The following RBBP8 variants were observed in gnomAD, a reference collection of about 807,000 sequenced individuals.
RBBP8 encodes DNA endonuclease RBBP8.
In RBBP8, 88 loss-of-function variants were observed where a neutral mutation model predicts 108.3. The ratio of observed to expected loss-of-function variants is 0.81; its 90% CI spans 0.68 to 0.97. The LOEUF is 0.97. Among genes scored for constraint, RBBP8 ranks in the 50% least tolerant of loss-of-function variants. The pLI, the probability that RBBP8 is intolerant of heterozygous loss-of-function variation, is 0.00. For synonymous variants in RBBP8, 332 were observed against 348.2 expected, an observed-to-expected ratio of 0.95 and a Z score of 0.52; for missense variants, 1,023 against 1,049.0, an observed-to-expected ratio of 0.98 and a Z score of 0.34.
At chr18:22,957,968 A>T (rs113772513) in intron 4 of RBBP8, among the ~76,000 whole-genome samples, 116 of 152,194 alleles carry the variant, frequency 7.6e-4, no homozygotes, top group Middle Eastern at 6.8e-3. Flanking sequence ...CAACCTTAAT[A>T]TATATATTTA....
At chr18:22,977,674 G>A (rs928983287) in intron 6 of RBBP8, 1 of 152,086 alleles carries the variant, frequency 6.6e-6, no homozygotes, top group African/African-American at 2.4e-5. Flanking sequence ...TCTAGTAGAA[G>A]TTTACTGTTT....
chr18:22,988,542 T>C (rs1205250720), intron 8 of RBBP8, among the ~76,000 whole-genome samples: 1 of 152,226 alleles, frequency 6.6e-6, no homozygotes, highest in African/African-American at 2.4e-5. Flanking sequence ...CTTGTAACTT[T>C]CCTTGATTTC....
rs555102057 is a variant in RBBP8, at chr18:22,960,423, G to A, written c.249-8383G>A. The stretch of plus-strand genomic sequence containing the variant: ...TTACCCAGCATGGTGGTGAGTGCCT[G>A]TAGTCCCAGCTACTCAGGCTGCTGA... On this transcript the variant is annotated intron_variant, in intron 4 of 18. Transcript: ENST00000327155. Among the ~76,000 whole-genome samples the A allele has an allele frequency of 2.6e-5, 4 of 152,270 alleles. No individual in the cohort carries two copies. In the South Asian group the frequency reaches 6.2e-4, roughly 24 times the overall value.
chr18:22,974,163 C>A (rs1295265902), intron 5 of RBBP8, among the ~76,000 whole-genome samples: 1 of 152,084 alleles, frequency 6.6e-6, no homozygotes, highest in African/African-American at 2.4e-5. Context: ...TTCTGGGATC[C>A]ACTTCTTTTG....
rs1183981352 is a variant in RBBP8 at position 22,968,857 on chromosome 18, GA to G, written c.306del (p.Lys102AsnfsTer20). The G allele has an allele frequency of 3.1e-6, 5 of 1,613,414 alleles. No homozygotes were observed. Among genetic ancestry groups the G allele is most frequent in the Non-Finnish European group, 1.7e-6 (2 of 1,179,706 alleles). On this transcript the variant is annotated frameshift_variant, in exon 5 of 19. Coordinates refer to ENST00000327155, the MANE Select transcript of RBBP8 (RefSeq NM_002894.3). LOFTEE classifies it high-confidence loss of function. ...RCAVTEEHMRKKQQEFENIRQ... is the reference protein window; with the variant it reads ...RCAVTEEHMRXKQQEFENIRQ... ...GTGCAGTAACTGAAGAACATATGCG[GA>G]AAAAACAGCAAGAGTTTGAAAATAT...
At chr18:22,915,441 T>C (rs757609244) in exon 2 of RBBP8, 3 of 152,204 alleles carry the variant, frequency 2.0e-5, no homozygotes, top group Non-Finnish European at 4.4e-5. Flanking sequence ...GGATGCTTCA[T>C]AGTCCTACTT....
intron 6 of RBBP8, among the ~76,000 whole-genome samples, chr18:22,980,237 C>A (rs1193313197): frequency 6.6e-6 from 1 of 151,898 alleles, no homozygotes; most frequent in East Asian, 1.9e-4. Flanking sequence ...AAGAGCAAGA[C>A]TCAGACTCAA....
chr18:22,981,675 T>C (rs761580695), intron 6 of RBBP8, among the ~76,000 whole-genome samples: 5 of 152,238 alleles, frequency 3.3e-5, no homozygotes, highest in Admixed American at 6.5e-5. Context: ...CCTTTCCATA[T>C]GTACTTAAAA....
intron 16 of RBBP8, among the ~76,000 whole-genome samples, chr18:23,011,883 A>C (rs375048765): frequency 1.2e-4 from 19 of 152,094 alleles, no homozygotes; most frequent in Middle Eastern, 3.4e-3. Context: ...GGGCCTCCCT[A>C]TTCCCTGAGA....
intron 1 of RBBP8, among the ~76,000 whole-genome samples, chr18:22,935,570 T>G (rs1910497516): frequency 1.3e-5 from 2 of 152,216 alleles, no homozygotes; most frequent in Non-Finnish European, 2.9e-5. Flanking sequence ...TCACATATAC[T>G]CCTGCTCCCT....
upstream of RBBP8, chr18:22,929,364 T>TTTTTAACAGA (rs1491279131): frequency 1.8e-5 from 1 of 54,438 alleles, no homozygotes; most frequent in East Asian, 1.0e-3. Context: ...GGATAACAGA[T>TTTTTAACAGA]TTTTTTTTTT....
At chr18:22,936,174 T>C (rs1910563558) in intron 1 of RBBP8, among the ~76,000 whole-genome samples, 1 of 152,128 alleles carries the variant, frequency 6.6e-6, no homozygotes, top group South Asian at 2.1e-4. Flanking sequence ...CGATCTCCGC[T>C]CACTGCAAAT....
intron 4 of RBBP8, among the ~76,000 whole-genome samples, chr18:22,965,151 A>AT (rs1331833825): frequency 2.0e-5 from 3 of 151,576 alleles, no homozygotes; most frequent in East Asian, 3.9e-4. Flanking sequence ...TAGCATTGGC[A>AT]TTTTTTCTTT....
intron 5 of RBBP8, among the ~76,000 whole-genome samples, chr18:22,974,649 G>A (rs572304968): frequency 1.2e-4 from 18 of 152,030 alleles, no homozygotes; most frequent in Non-Finnish European, 1.6e-4. Context: ...TAGTGGAGAC[G>A]GGGTTTCACC....
At chr18:22,916,838 A>G (rs1243853334) in intron 2 of RBBP8, 1 of 151,926 alleles carries the variant, frequency 6.6e-6, no homozygotes, top group Non-Finnish European at 1.5e-5. Context: ...TCAACTGTCT[A>G]TTTTCTTAGT....
chr18:22,967,970 T>C (rs1171356357), intron 4 of RBBP8, among the ~76,000 whole-genome samples: 1 of 151,974 alleles, frequency 6.6e-6, no homozygotes, highest in East Asian at 1.9e-4. Flanking sequence ...ATGTAATACA[T>C]TGTGAATTTT....
intron 12 of RBBP8, among the ~76,000 whole-genome samples, chr18:22,994,302 C>G (rs1178510198): frequency 6.9e-6 from 1 of 145,552 alleles, no homozygotes; most frequent in African/African-American, 2.5e-5. Context: ...GGATTACAGG[C>G]GTGAGTCACT....
intron 3 of RBBP8, among the ~76,000 whole-genome samples, chr18:22,949,064 C>A (rs1242373429): frequency 3.9e-5 from 6 of 152,066 alleles, no homozygotes; most frequent in Non-Finnish European, 5.9e-5. Flanking sequence ...ATACTTATTT[C>A]TCAGACCTTT....
At chr18:23,006,630 T>A (rs1004796609) in intron 16 of RBBP8, among the ~76,000 whole-genome samples, 198 bp downstream of exon 16, 6 of 151,960 alleles carry the variant, frequency 3.9e-5, no homozygotes, top group Non-Finnish European at 7.4e-5. Flanking sequence ...GCCTCCTGAG[T>A]ATCTGGGACT....
Sources: allele counts gnomAD v4.1 joint callset (sites outside exome capture counted in the v4.1 genomes callset), GRCh38; gene constraint gnomAD v4.1.1; transcripts MANE v1.5; gene names NCBI Gene and HGNC (gene_info 2026-07-23, HGNC 2026-07-21).